The following FBXO24 variants were observed in gnomAD, a reference collection of about 807,000 sequenced individuals.
The protein encoded by FBXO24 is F-box only protein 24.
A neutral mutation model predicts 63.5 loss-of-function variants in FBXO24; 30 were observed. That is an observed-to-expected ratio of 0.47 (90% confidence interval 0.35 to 0.64). The LOEUF (loss-of-function observed/expected upper bound fraction) is 0.64, where lower values mean the gene tolerates loss of function less well. Ranked by LOEUF, FBXO24 falls within the 30% of genes least tolerant of loss-of-function variation. FBXO24 has a pLI of 0.00. For synonymous variants in FBXO24, 300 were observed against 305.0 expected, an observed-to-expected ratio of 0.98 and a Z score of 0.17; for missense variants, 624 against 763.4, an observed-to-expected ratio of 0.82 and a Z score of 2.15.
chr7:100,592,983 T>G lies in FBXO24; in HGVS notation c.759T>G (p.Gly253=). 6.2e-7 allele frequency: 1 copy of G among 1,614,082 alleles called. No homozygotes were observed. Among genetic ancestry groups the G allele is most frequent in the Non-Finnish European group, 8.5e-7 (1 of 1,180,004 alleles). ...SMTFKQIVLV[G]QETQRALLLL... ...CCTTCAAGCAGATCGTGCTGGTTGG[T>G]CAGGAGACCCAGCGGGCTCTACTGC... The change falls in exon 5 of 10, where the codon GGT becomes GGG. Residue 253 remains glycine (G), a synonymous_variant. Transcript: ENST00000241071.
chr7:100,589,585 G>C (rs1335427140), intron 1 of FBXO24: 14 of 1,440,216 alleles, frequency 9.7e-6, no homozygotes, highest in Non-Finnish European at 1.3e-5. Context: ...ACTCCATGGG[G>C]GAGGGGCCTA....
chr7:100,595,425 G>A, intron 7 of FBXO24, 150 bp from the exon 8 acceptor site: 1 of 1,252,804 alleles, frequency 8.0e-7, no homozygotes, highest in African/African-American at 1.5e-5. Flanking sequence ...CTCTAGACCA[G>A]CCTGGGCAAC....
At chr7:100,596,702 T>C (rs1802324658) in intron 8 of FBXO24, among the ~76,000 whole-genome samples, 1 of 151,638 alleles carries the variant, frequency 6.6e-6, no homozygotes, top group African/African-American at 2.4e-5. Flanking sequence ...GGGAAGAAAA[T>C]GAATAGGGCC....
chr7:100,591,610 C>G, intron 3 of FBXO24, 57 bp from the exon 4 acceptor site: 1 of 1,535,428 alleles, frequency 6.5e-7, no homozygotes, highest in Non-Finnish European at 9.0e-7. Flanking sequence ...CAAGCTCCAA[C>G]TCATCTCCCT....
intron 8 of FBXO24, chr7:100,599,739 C>T (rs1253905441): frequency 1.2e-5 from 5 of 402,098 alleles, no homozygotes; most frequent in South Asian, 2.4e-5. Context: ...CTGGCATAGA[C>T]GGGTGGGCTG....
chr7:100,586,453 A>C lies in FBXO24; in HGVS notation c.-173A>C. The C allele has an allele frequency of 1.4e-6, 1 of 699,412 alleles. No individual in the cohort carries two copies. Among genetic ancestry groups the C allele is most frequent in the South Asian group, 1.7e-5 (1 of 58,622 alleles). 43.3% of individuals were successfully genotyped at this position (699,412 alleles called of 1,614,324 possible). A position where few individuals can be genotyped will look rare whatever the true frequency, so the allele number is the denominator to read the frequency against. ...CAAGAGGAGGGGACACCGGCACTCC[A>C]CTAGCAGGAAAACGGGCCGAGGGAC... On this transcript the variant is annotated 5_prime_UTR_variant, in exon 1 of 10. Transcript: ENST00000241071.
At position 100,594,203 on chromosome 7, in the gene FBXO24, TC is replaced by T. The variant is rs1802178705; in HGVS notation, c.794-177del. 6.6e-6 allele frequency among the ~76,000 whole-genome samples: 1 copy of T among 152,178 alleles called. No individual in the cohort carries two copies. Among genetic ancestry groups the T allele is most frequent in the Non-Finnish European group, 1.5e-5 (1 of 68,034 alleles). On this transcript the variant is annotated intron_variant, in intron 5 of 9. Coordinates refer to ENST00000241071, the MANE Select transcript of FBXO24 (RefSeq NM_033506.3). The surrounding 1 kb of genome is among the most constrained non-coding windows in gnomAD (Gnocchi z 4.2). ...TGCTCATCTCTCATGCTGAAGTACT[TC>T]CCTGATTTATGGTGGGAACTGGAGT... is the stretch of plus-strand genomic sequence containing the variant.
Position 100,590,303 on chromosome 7 carries a change from C to G in FBXO24, c.268C>G (p.Leu90Val). 2 of 1,614,160 alleles carry G rather than the reference C, an allele frequency of 1.2e-6. No homozygotes were observed. Among genetic ancestry groups the G allele is most frequent in the Non-Finnish European group, 1.7e-6 (2 of 1,179,998 alleles). ...CATCTGTCGCAGACTCAGTCCGCGCCTCCAAGATCAGGGTTCTGGAGTCCG... is the reference window on the plus strand; with the variant it reads ...CATCTGTCGCAGACTCAGTCCGCGCGTCCAAGATCAGGGTTCTGGAGTCCG... ...RRICRRLSPR[L>V]QDQGSGVRPW... The change falls in exon 3 of 10, where the codon CTC becomes GTC. Residue 90 changes from leucine to valine, a missense_variant. Transcript: ENST00000241071.
intron 1 of FBXO24, among the ~76,000 whole-genome samples, chr7:100,589,011 T>G (rs1801875854): frequency 6.6e-6 from 1 of 151,902 alleles, no homozygotes; most frequent in African/African-American, 2.4e-5. Flanking sequence ...TTTTTTTTTT[T>G]TAATAGACGC....
At chr7:100,592,014 A>G in intron 4 of FBXO24, 112 bp downstream of exon 4, 1 of 1,076,598 alleles carries the variant, frequency 9.3e-7, no homozygotes, top group African/African-American at 1.6e-5. Flanking sequence ...TAATCCTAGC[A>G]CTTTGGGAGG....
intron 5 of FBXO24, 43 bp downstream of exon 5, chr7:100,593,060 AT>A (rs1339527579): frequency 6.4e-6 from 10 of 1,550,746 alleles, no homozygotes; most frequent in Non-Finnish European, 8.9e-6. Flanking sequence ...TTTCCTGCAG[AT>A]TCCTCAGACC....
At position 100,595,135 on chromosome 7, in the gene FBXO24, C is replaced by A; in HGVS notation, c.986C>A (p.Pro329Gln). The A allele has an allele frequency of 1.2e-6, 2 of 1,614,010 alleles. No individual in the cohort carries two copies. Among genetic ancestry groups the A allele is most frequent in the Non-Finnish European group, 1.7e-6 (2 of 1,179,974 alleles). ...QGGVYFEVHT[P>Q]GVYRDLFGTL... Reference sequence around the variant, plus strand: ...GGAGTGTATTTTGAGGTGCATACCCCAGGGGTGTATCGCGATCTCTTTGGG... The same window carrying A: ...GGAGTGTATTTTGAGGTGCATACCCAAGGGGTGTATCGCGATCTCTTTGGG... The change falls in exon 7 of 10, where the codon CCA becomes CAA. Residue 329 changes from proline to glutamine, a missense_variant. Pro to Gln is a moderately conservative substitution (Grantham distance 76). This residue lies in a region of FBXO24 where 391 missense variants were observed against 469.1 expected (regional missense o/e 0.83). Coordinates refer to ENST00000241071, the MANE Select transcript of FBXO24 (RefSeq NM_033506.3).
Position 100,600,969 on chromosome 7 carries a change from C to T in FBXO24, c.*70C>T. 6.5e-7 allele frequency: 1 copy of T among 1,547,016 alleles called. No individual in the cohort carries two copies. Among genetic ancestry groups the T allele is most frequent in the East Asian group, 2.2e-5 (1 of 44,462 alleles). ...CAGGCCAGGGACTAAGGAGCAATGACCATTGTGCACATGCGTGTGGGAAGG... is the reference window on the plus strand; with the variant it reads ...CAGGCCAGGGACTAAGGAGCAATGATCATTGTGCACATGCGTGTGGGAAGG... On this transcript the variant is annotated 3_prime_UTR_variant, in exon 10 of 10. Transcript: ENST00000241071. The surrounding 1 kb of genome is among the most constrained non-coding windows in gnomAD (Gnocchi z 6.3).
chr7:100,599,927 T>C (rs1172688600), intron 8 of FBXO24, 104 bp from the exon 9 acceptor site: 1 of 1,319,362 alleles, frequency 7.6e-7, no homozygotes, highest in African/African-American at 1.5e-5. Context: ...CATTTCCTCC[T>C]CCCCAGTTCA....
rs770202160 is a variant in FBXO24, at chr7:100,592,946, A to G, written c.722A>G (p.His241Arg). The change falls in exon 5 of 10, where the codon CAC becomes CGC. Residue 241 changes from histidine (H) to arginine (R), a missense_variant. Around this residue, in one of 3 missense-constraint regions of FBXO24, gnomAD observed 391 missense variants for 469.1 expected, o/e 0.83. Transcript: ENST00000241071. ...SGQRVFKMTF[H>R]HSMTFKQIVL... ...CAGCGGGTCTTCAAGATGACATTCC[A>G]CCACTCAATGACCTTCAAGCAGATC... 5 of 1,614,088 alleles carry G rather than the reference A, an allele frequency of 3.1e-6. No individual in the cohort carries two copies. Among genetic ancestry groups the G allele is most frequent in the Non-Finnish European group, 8.5e-7 (1 of 1,180,028 alleles).
At chr7:100,595,276 G>C (rs756185378) in intron 7 of FBXO24, 53 bp downstream of exon 7, 70 of 1,612,928 alleles carry the variant, frequency 4.3e-5, no homozygotes, top group Non-Finnish European at 5.5e-5. Context: ...GTAGGGATTG[G>C]AAGGTCTGAA....
At position 100,600,833 on chromosome 7, in the gene FBXO24, C is replaced by A; in HGVS notation, c.1677C>A (p.Ala559=). The change falls in exon 10 of 10, where the codon GCC becomes GCA. Residue 559 remains alanine, a synonymous_variant. Transcript: ENST00000241071. The surrounding 1 kb of genome is among the most constrained non-coding windows in gnomAD (Gnocchi z 6.3). ...MAAQKDFFWE[A]LDMLQRAEGG... Reference sequence around the variant, plus strand: ...CACAGAAGGACTTCTTCTGGGAGGCCCTGGACATGCTGCAGAGGGCTGAAG... The same window carrying A: ...CACAGAAGGACTTCTTCTGGGAGGCACTGGACATGCTGCAGAGGGCTGAAG... The A allele has an allele frequency of 6.2e-7, 1 of 1,614,032 alleles. No homozygotes were observed. Among genetic ancestry groups the A allele is most frequent in the Non-Finnish European group, 8.5e-7 (1 of 1,179,954 alleles).
At chr7:100,599,579 AAAG>A (rs542361725) in intron 8 of FBXO24, 25,589 of 153,406 alleles carry the variant, frequency 0.17, 2,282 homozygotes, top group Non-Finnish European at 0.23. Context: ...AAAAAAAAAA[AAAG>A]AAAGAAAGAA....
chr7:100,596,095 T>C (rs939292483), intron 8 of FBXO24, among the ~76,000 whole-genome samples: 33 of 152,024 alleles, frequency 2.2e-4, no homozygotes, highest in Non-Finnish European at 2.5e-4. Flanking sequence ...CTGGGCAACA[T>C]GGTGAAACCC....
Sources: allele counts gnomAD v4.1 joint callset (sites outside exome capture counted in the v4.1 genomes callset), GRCh38; gene constraint gnomAD v4.1.1; regional missense constraint gnomAD v4.1.1; non-coding constraint Gnocchi (gnomAD v3.1); transcripts MANE v1.5; gene names NCBI Gene and HGNC (gene_info 2026-07-23, HGNC 2026-07-21).